POLK: variants seen among roughly 807,000 people sequenced by gnomAD.
POLK encodes DNA polymerase kappa, also known as polymerase (DNA directed) kappa.
A neutral mutation model predicts 94.0 loss-of-function variants in POLK; 76 were observed. The ratio of observed to expected loss-of-function variants is 0.81; its 90% CI spans 0.67 to 0.98. The LOEUF is 0.98. Among genes scored for constraint, POLK ranks in the 50% least tolerant of loss-of-function variants. The pLI, the probability that POLK is intolerant of heterozygous loss-of-function variation, is 0.00. For synonymous variants in POLK, 349 were observed against 325.4 expected (o/e 1.07, Z -0.78); for missense variants, 954 against 1,010.1 (o/e 0.94, Z 0.75).
upstream of POLK, among the ~76,000 whole-genome samples, chr5:75,510,935 C>G (rs1392323260): frequency 6.6e-6 from 1 of 152,152 alleles, no homozygotes; most frequent in Non-Finnish European, 1.5e-5. Context: ...GACGAGCCCC[C>G]GGGCAACAAG....
At chr5:75,525,974 A>G (rs1768820863) in intron 1 of POLK, among the ~76,000 whole-genome samples, 1 of 152,190 alleles carries the variant, frequency 6.6e-6, no homozygotes, top group Non-Finnish European at 1.5e-5. Flanking sequence ...TGTGTTAAAG[A>G]CACTTAAATG....
Position 75,583,430 on chromosome 5 carries a change from C to A in POLK, c.1059+13C>A. 5 of 1,548,522 alleles carry A rather than the reference C, an allele frequency of 3.2e-6. No homozygotes were observed. Among genetic ancestry groups the A allele is most frequent in the Non-Finnish European group, 4.4e-6 (5 of 1,126,162 alleles). On this transcript the variant is annotated intron_variant, in intron 8 of 14. Coordinates refer to ENST00000241436, the Ensembl canonical transcript of POLK. ...ACCCATTAGAAAGGTAAGATTTTTA[C>A]ATAAAGTTTATTTATATATGTACTC...
At chr5:75,552,776 A>G (rs1221049318) in intron 3 of POLK, among the ~76,000 whole-genome samples, 185 bp downstream of exon 3, 2 of 152,148 alleles carry the variant, frequency 1.3e-5, no homozygotes, top group Non-Finnish European at 2.9e-5. Context: ...TTACATAAAG[A>G]CTCCACACAT....
chr5:75,564,524 G>C (rs1344352805), intron 3 of POLK, among the ~76,000 whole-genome samples: 1 of 152,178 alleles, frequency 6.6e-6, no homozygotes, highest in Non-Finnish European at 1.5e-5. Flanking sequence ...GCAGTGCCTG[G>C]TACCGGTTTT....
At chr5:75,571,664 A>G (rs1042357796) in intron 4 of POLK, among the ~76,000 whole-genome samples, 5 of 152,188 alleles carry the variant, frequency 3.3e-5, no homozygotes, top group Non-Finnish European at 5.9e-5. Flanking sequence ...AATATTTACA[A>G]TGGTTGCTGG....
the POLK span, among the ~76,000 whole-genome samples, chr5:75,607,195 G>C: frequency 1.3e-5 from 2 of 152,126 alleles, no homozygotes; most frequent in Non-Finnish European, 2.9e-5. Context: ...GGCCGGGTGC[G>C]GTGTCTCACG....
chr5:75,534,680 A>T (rs917329383), intron 1 of POLK: 1 of 152,172 alleles, frequency 6.6e-6, no homozygotes, highest in African/African-American at 2.4e-5. Context: ...ATATATTTAG[A>T]AAAGTTAGGT....
intron 5 of POLK, among the ~76,000 whole-genome samples, chr5:75,576,312 A>G (rs1463658566): frequency 2.0e-5 from 3 of 152,178 alleles, no homozygotes; most frequent in African/African-American, 2.4e-5. Context: ...TAATTGGAAT[A>G]TTTTCTAAAG....
At chr5:75,597,012 A>C in exon 13 of POLK, 3 of 1,613,932 alleles carry the variant, frequency 1.9e-6, no homozygotes, top group Non-Finnish European at 2.5e-6. Flanking sequence ...AAGTGAAAAC[A>C]GGCCAAGCTC....
At chr5:75,515,885 C>T (rs1331178133) in intron 1 of POLK, among the ~76,000 whole-genome samples, 6 of 152,070 alleles carry the variant, frequency 3.9e-5, no homozygotes, top group Admixed American at 2.0e-4. Context: ...AGTGAGACCT[C>T]GTCTCTAGTA....
At chr5:75,563,199 T>C (rs1201588696) in intron 3 of POLK, among the ~76,000 whole-genome samples, 2 of 152,128 alleles carry the variant, frequency 1.3e-5, no homozygotes, top group Admixed American at 6.6e-5. Flanking sequence ...CAACCGCAGG[T>C]GATCTGCCCG....
intron 1 of POLK, among the ~76,000 whole-genome samples, chr5:75,532,962 G>A (rs1769254098): frequency 6.6e-6 from 1 of 152,082 alleles, no homozygotes; most frequent in Non-Finnish European, 1.5e-5. Flanking sequence ...TTTTGTTTCA[G>A]TTCCTTACAG....
chr5:75,560,629 A>G (rs1770921558), intron 3 of POLK, among the ~76,000 whole-genome samples: 1 of 152,132 alleles, frequency 6.6e-6, no homozygotes, highest in Non-Finnish European at 1.5e-5. Context: ...TCAACCCATC[A>G]TCTACATTAG....
chr5:75,531,058 C>T (rs1365294162), intron 1 of POLK, among the ~76,000 whole-genome samples: 7 of 151,772 alleles, frequency 4.6e-5, no homozygotes, highest in African/African-American at 9.7e-5. Flanking sequence ...CCTCCTGCCT[C>T]GGCCTCCCAA....
At chr5:75,607,332 G>A in the POLK span, among the ~76,000 whole-genome samples, 1 of 152,078 alleles carries the variant, frequency 6.6e-6, no homozygotes, top group African/African-American at 2.4e-5. Context: ...GCTGGGCGTG[G>A]TGGCACACAC....
downstream of POLK, among the ~76,000 whole-genome samples, chr5:75,602,250 C>T (rs1428562184): frequency 2.0e-5 from 3 of 152,154 alleles, no homozygotes; most frequent in Non-Finnish European, 4.4e-5. Flanking sequence ...GTCTCAAGAC[C>T]CCAGGGGTGT....
rs5744608 is a variant in POLK at position 75,553,322 on chromosome 5, A to G, written c.255+731A>G. ...GGCAAGAGGAATTTGCTCTTTATCA[A>G]AATCTGATCCAATGTTAACAGAGCT... On this transcript the variant is annotated intron_variant, in intron 3 of 14. Transcript: ENST00000241436. Among the ~76,000 whole-genome samples the G allele has an allele frequency of 4.2e-3, 641 of 152,294 alleles. 1 individual carries two copies. Among genetic ancestry groups the G allele is most frequent in the South Asian group, 0.015 (70 of 4,822 alleles).
At chr5:75,591,767 A>G (rs926910605) in intron 11 of POLK, among the ~76,000 whole-genome samples, 9 of 152,206 alleles carry the variant, frequency 5.9e-5, no homozygotes, top group African/African-American at 1.9e-4. Flanking sequence ...CTATACAGGT[A>G]TTCTGCAGAA....
intron 1 of POLK, among the ~76,000 whole-genome samples, chr5:75,541,732 T>C (rs1438727715): frequency 6.6e-6 from 1 of 152,226 alleles, no homozygotes; most frequent in Non-Finnish European, 1.5e-5. Flanking sequence ...TTTAAAGTTT[T>C]TTCCTCTTGT....
Sources: gnomAD v4.1 joint callset for allele counts (sites outside exome capture counted in the v4.1 genomes callset) on GRCh38, gnomAD v4.1.1 for gene constraint, MANE v1.5 for transcripts, NCBI Gene and HGNC (gene_info 2026-07-23, HGNC 2026-07-21) for gene names.